Variants in ZNF354B observed in about 807,000 individuals in gnomAD.
The protein encoded by ZNF354B is zinc finger protein 354B.
A neutral mutation model predicts 12.9 loss-of-function variants in ZNF354B; 10 were observed. The observed-to-expected ratio is 0.77, with a 90% CI of 0.48 to 1.31. The LOEUF is 1.31. Among genes scored for constraint, ZNF354B ranks in the 40% most tolerant of loss-of-function variants. ZNF354B has a pLI of 0.00. For synonymous variants in ZNF354B, 260 were observed against 243.7 expected (o/e 1.07, Z -0.62); for missense variants, 614 against 711.7 (o/e 0.86, Z 1.56).
At position 178,883,603 on chromosome 5, in the gene ZNF354B, G is replaced by T; in HGVS notation, c.1151G>T (p.Cys384Phe). ...RIHTGEKPFK[C>F]SECGRAFSQS... ...CACACTGGAGAGAAGCCTTTTAAAT[G>T]TAGTGAATGTGGGAGAGCCTTCAGC... The change falls in exon 5 of 5, where the codon TGT becomes TTT. Residue 384 changes from cysteine to phenylalanine, a missense_variant. Physicochemically the swap from Cys to Phe is radical, Grantham distance 205. Transcript: ENST00000322434. 1 of 1,613,600 alleles carries T rather than the reference G, an allele frequency of 6.2e-7. No homozygotes were observed. Among genetic ancestry groups the T allele is most frequent in the Non-Finnish European group, 8.5e-7 (1 of 1,179,616 alleles).
intron 4 of ZNF354B, among the ~76,000 whole-genome samples, chr5:178,877,127 A>G (rs530507148): frequency 2.0e-5 from 3 of 152,088 alleles, no homozygotes; most frequent in South Asian, 2.1e-4. Context: ...GGCCTTGTGC[A>G]GTGACTTTCT....
intron 4 of ZNF354B, among the ~76,000 whole-genome samples, chr5:178,868,754 C>T (rs1231346603): frequency 1.4e-4 from 22 of 152,142 alleles, no homozygotes; most frequent in African/African-American, 3.9e-4. Flanking sequence ...GGGCAGATCA[C>T]GAGGTCAGGA....
At chr5:178,876,008 A>G (rs11249599) in intron 4 of ZNF354B, among the ~76,000 whole-genome samples, 29,592 of 152,054 alleles carry the variant, frequency 0.19, 3,587 homozygotes, top group African/African-American at 0.35. Flanking sequence ...CAAGGTAGAG[A>G]GACTGGGCTC....
chr5:178,882,811 T>C lies in ZNF354B; in HGVS notation c.359T>C (p.Ile120Thr). 1 of 1,604,718 alleles carries C rather than the reference T, an allele frequency of 6.2e-7. No homozygotes were observed. Among genetic ancestry groups the C allele is most frequent in the Non-Finnish European group, 8.5e-7 (1 of 1,177,978 alleles). Residue 120 changes from isoleucine (I) to threonine (T), a missense_variant, in exon 5 of 5, where the codon ATA becomes ACA. Coordinates refer to ENST00000322434, the MANE Select transcript of ZNF354B (RefSeq NM_058230.3). ...RLKRDEPWNFISERSCIYEEK... is the reference protein window; with the variant it reads ...RLKRDEPWNFTSERSCIYEEK... ...AAAAGGGATGAACCCTGGAACTTCA[T>C]ATCAGAAAGATCCTGCATATATGAA...
At chr5:178,861,939 A>G (rs905575792) in intron 2 of ZNF354B, among the ~76,000 whole-genome samples, 1 of 152,210 alleles carries the variant, frequency 6.6e-6, no homozygotes, top group African/African-American at 2.4e-5. Flanking sequence ...AGGGCTGGGC[A>G]CTGAGTAGTT....
Position 178,880,831 on chromosome 5 carries a change from ATTTTTTTTTTTT to A in ZNF354B, c.257-1861_257-1850del, listed in dbSNP as rs56013359. Among the ~76,000 whole-genome samples, 16 of 76,182 alleles carry A rather than the reference ATTTTTTTTTTTT, an allele frequency of 2.1e-4. No individual in the cohort carries two copies. In the South Asian group the frequency reaches 7.0e-3, roughly 34 times the overall value. The allele number at this position is 76,182 out of a possible 152,430, so 50.0% of individuals were successfully genotyped here. A position where few individuals can be genotyped will look rare whatever the true frequency, so the allele number is the denominator to read the frequency against. On this transcript the variant is annotated intron_variant, in intron 4 of 4. Coordinates refer to ENST00000322434, the MANE Select transcript of ZNF354B (RefSeq NM_058230.3). ...TTTCAGTAGTTGTCAACTCATGGTC[ATTTTTTTTTTTT>A]TTTTTTTTTTTTTTTTGAGATGGAG...
chr5:178,866,876 C>A, intron 3 of ZNF354B, 100 bp from the exon 4 acceptor site: 1 of 1,089,594 alleles, frequency 9.2e-7, no homozygotes, highest in Non-Finnish European at 1.4e-6. Context: ...ATGCAACATT[C>A]CTTCTGTAGA....
intron 4 of ZNF354B, among the ~76,000 whole-genome samples, chr5:178,877,217 G>T (rs1241882778): frequency 6.6e-6 from 1 of 152,052 alleles, no homozygotes; most frequent in Non-Finnish European, 1.5e-5. Flanking sequence ...CACCCAGGCT[G>T]GAGTTGCAGG....
chr5:178,883,668 G>A lies in ZNF354B; in HGVS notation c.1216G>A (p.Gly406Arg), dbSNP rs986499660. The stretch of plus-strand genomic sequence containing the variant: ...TATTCAACATGAAAGAATTCACACC[G>A]GAGAAAAGCCCTATAGATGCAATGA... ...SLIQHERIHTGEKPYRCNECG... is the reference protein window; with the variant it reads ...SLIQHERIHTREKPYRCNECG... Residue 406 changes from glycine to arginine, a missense_variant, in exon 5 of 5, where the codon GGA becomes AGA. Transcript: ENST00000322434. 14 of 1,613,852 alleles carry A rather than the reference G, an allele frequency of 8.7e-6. No homozygotes were observed. The highest frequency in any genetic ancestry group is 2.7e-5 in the African/African-American group (2 of 74,868).
intron 4 of ZNF354B, among the ~76,000 whole-genome samples, chr5:178,873,815 A>C (rs1174378260): frequency 6.6e-6 from 1 of 152,226 alleles, no homozygotes; most frequent in African/African-American, 2.4e-5. Context: ...TAGGAATTGC[A>C]GTAAACCTGT....
intron 2 of ZNF354B, among the ~76,000 whole-genome samples, chr5:178,864,029 TAC>T (rs1339233069): frequency 5.3e-5 from 8 of 152,208 alleles, no homozygotes; most frequent in Non-Finnish European, 8.8e-5. Flanking sequence ...AAGTAAAAGT[TAC>T]AGTAAGCTAA....
intron 4 of ZNF354B, among the ~76,000 whole-genome samples, chr5:178,880,524 C>T (rs756316917): frequency 5.5e-5 from 8 of 146,490 alleles, no homozygotes; most frequent in Non-Finnish European, 1.0e-4. Context: ...TTTTTAAAGA[C>T]AGGGTCTCTT....
At chr5:178,862,479 G>C (rs889376419) in intron 2 of ZNF354B, among the ~76,000 whole-genome samples, 4 of 147,832 alleles carry the variant, frequency 2.7e-5, no homozygotes, top group African/African-American at 1.0e-4. Flanking sequence ...CAATTCCCCT[G>C]CCTCAGCCTC....
chr5:178,869,776 G>A (rs1757532985), intron 4 of ZNF354B, among the ~76,000 whole-genome samples: 1 of 152,124 alleles, frequency 6.6e-6, no homozygotes, highest in Non-Finnish European at 1.5e-5. Flanking sequence ...TTTCCTGCCC[G>A]ATTGCTCTTG....
chr5:178,864,305 T>C (rs1757412483), intron 2 of ZNF354B, among the ~76,000 whole-genome samples: 2 of 152,176 alleles, frequency 1.3e-5, no homozygotes, highest in Admixed American at 6.5e-5. Context: ...CTTAGCATTG[T>C]CTTACAGTTC....
rs895893875 is a variant in ZNF354B, at chr5:178,866,890, G to C, written c.161-86G>C. On this transcript the variant is annotated intron_variant, in intron 3 of 4. Transcript: ENST00000322434. ...CATGCAACATTCCTTCTGTAGAAAAGCCACGGTTACCCTAATAATCAAGGG... is the reference window on the plus strand; with the variant it reads ...CATGCAACATTCCTTCTGTAGAAAACCCACGGTTACCCTAATAATCAAGGG... 3.8e-6 allele frequency: 5 copies of C among 1,322,516 alleles called. No homozygotes were observed. The African/African-American group carries it at 4.4e-5, about 12-fold the overall frequency. The allele number at this position is 1,322,516 out of a possible 1,614,324, so 81.9% of individuals were successfully genotyped here.
chr5:178,883,125 C>G lies in ZNF354B; in HGVS notation c.673C>G (p.His225Asp). ...KCSTCEKAFI[H>D]NSSLRKHQKN... The stretch of plus-strand genomic sequence containing the variant: ...CAGTACATGTGAAAAAGCCTTCATT[C>G]ACAATTCATCCCTTCGTAAACATCA... The change falls in exon 5 of 5, where the codon CAC becomes GAC. Residue 225 changes from histidine to aspartate, a missense_variant. Physicochemically the swap from His to Asp is moderately conservative, Grantham distance 81. Transcript: ENST00000322434. 1 of 1,611,646 alleles carries G rather than the reference C, an allele frequency of 6.2e-7. No individual in the cohort carries two copies. The highest frequency in any genetic ancestry group is 8.5e-7 in the Non-Finnish European group (1 of 1,179,486).
At chr5:178,862,431 A>G (rs1358860622) in intron 2 of ZNF354B, among the ~76,000 whole-genome samples, 2 of 138,864 alleles carry the variant, frequency 1.4e-5, no homozygotes, top group Admixed American at 8.0e-5. Flanking sequence ...CAGTGGCGCG[A>G]TCTCGGCTCA....
intron 2 of ZNF354B, among the ~76,000 whole-genome samples, chr5:178,861,454 C>T (rs1013906989): frequency 2.0e-5 from 3 of 152,220 alleles, no homozygotes; most frequent in African/African-American, 4.8e-5. Context: ...CCTGAGAATC[C>T]TCATAACACC....
Sources: gnomAD v4.1 joint callset for allele counts (sites outside exome capture counted in the v4.1 genomes callset) on GRCh38, gnomAD v4.1.1 for gene constraint, MANE v1.5 for transcripts, NCBI Gene and HGNC (gene_info 2026-07-23, HGNC 2026-07-21) for gene names.